LTBP1: variants seen among roughly 807,000 people sequenced by gnomAD.
LTBP1 encodes latent transforming growth factor beta binding protein 1, also known as latent-transforming growth factor beta-binding protein 1.
Under a neutral mutation model 207.6 loss-of-function variants are expected in LTBP1, and 129 were observed. The observed-to-expected ratio is 0.62, with a 90% CI of 0.54 to 0.72. The LOEUF (loss-of-function observed/expected upper bound fraction) is 0.72. Among genes scored for constraint, LTBP1 ranks in the 30% least tolerant of loss-of-function variants. The pLI is 0.00. For missense variants in LTBP1, 2,281 were observed against 2,217.2 expected, an observed-to-expected ratio of 1.03 and a Z score of -0.58; for synonymous variants, 963 against 833.7, an observed-to-expected ratio of 1.16 and a Z score of -2.67.
chr2:33,238,180 T>C (rs545575016), intron 9 of LTBP1, among the ~76,000 whole-genome samples: 2 of 152,210 alleles, frequency 1.3e-5, no homozygotes, highest in Non-Finnish European at 2.9e-5. Context: ...GGAATTTATA[T>C]TTACTAGCAA....
intron 24 of LTBP1, among the ~76,000 whole-genome samples, chr2:33,326,054 T>C (rs893070943): frequency 2.9e-4 from 44 of 150,350 alleles, no homozygotes; most frequent in African/African-American, 9.7e-4. Flanking sequence ...AGATGACTTA[T>C]AGTGTTTATA....
intron 7 of LTBP1, among the ~76,000 whole-genome samples, chr2:33,195,068 C>A (rs533207668): frequency 6.6e-6 from 1 of 152,156 alleles, no homozygotes; most frequent in Non-Finnish European, 1.5e-5. Context: ...ATAAAAGATT[C>A]CTTTCAAAAT....
chr2:33,131,914 G>A (rs556521085), intron 4 of LTBP1, among the ~76,000 whole-genome samples: 2 of 152,168 alleles, frequency 1.3e-5, no homozygotes, highest in Non-Finnish European at 2.9e-5. Context: ...TGCTTATAAA[G>A]TGACTACTGT....
At chr2:33,156,980 C>T (rs962321581) in intron 5 of LTBP1, among the ~76,000 whole-genome samples, 1 of 152,120 alleles carries the variant, frequency 6.6e-6, no homozygotes, top group African/African-American at 2.4e-5. Flanking sequence ...AAGAAATTTA[C>T]AAACTTGACA....
chr2:32,961,538 C>G (rs2148432970), intron 2 of LTBP1, among the ~76,000 whole-genome samples: 1 of 146,294 alleles, frequency 6.8e-6, no homozygotes, highest in East Asian at 2.0e-4. Flanking sequence ...GTATGCTCTT[C>G]TGAGGTTTTG....
intron 2 of LTBP1, among the ~76,000 whole-genome samples, chr2:32,953,927 C>G (rs762382085): frequency 5.3e-5 from 8 of 152,304 alleles, no homozygotes; most frequent in Non-Finnish European, 1.2e-4. Context: ...ATGTCACCAC[C>G]CTTTTAATAC....
intron 3 of LTBP1, among the ~76,000 whole-genome samples, chr2:33,066,580 A>C (rs913452348): frequency 6.6e-6 from 1 of 152,226 alleles, no homozygotes; most frequent in Non-Finnish European, 1.5e-5. Flanking sequence ...ATGGCAAAGC[A>C]TTGTGTTTAT....
chr2:33,155,828 G>A (rs7571401), intron 5 of LTBP1, among the ~76,000 whole-genome samples: 1 of 151,998 alleles, frequency 6.6e-6, no homozygotes, highest in East Asian at 1.9e-4. Flanking sequence ...CTGCTTCTCA[G>A]TTCATACAAT....
intron 26 of LTBP1, among the ~76,000 whole-genome samples, chr2:33,350,504 A>G (rs1267965662): frequency 6.6e-6 from 1 of 152,246 alleles, no homozygotes; most frequent in African/African-American, 2.4e-5. Context: ...ACCCACTTCC[A>G]GCAGGGTATT....
At chr2:33,217,451 A>C in intron 7 of LTBP1, 101 bp from the exon 8 acceptor site, 2 of 662,456 alleles carry the variant, frequency 3.0e-6, no homozygotes, top group Non-Finnish European at 5.4e-6. Flanking sequence ...TGTCGATAAC[A>C]AGGGAACTGG....
chr2:33,097,551 A>T (rs762115438), intron 3 of LTBP1, among the ~76,000 whole-genome samples: 22 of 152,316 alleles, frequency 1.4e-4, no homozygotes, highest in African/African-American at 1.9e-4. Flanking sequence ...AAAATCATAG[A>T]CATTGTTAAA....
chr2:33,035,793 G>A (rs1048257473), intron 3 of LTBP1, among the ~76,000 whole-genome samples: 1 of 152,036 alleles, frequency 6.6e-6, no homozygotes, highest in Admixed American at 6.6e-5. Flanking sequence ...AAAAGAGATC[G>A]TTCATAATGA....
At chr2:33,257,548 A>C in intron 12 of LTBP1, 37 bp downstream of exon 12, 1 of 1,531,876 alleles carries the variant, frequency 6.5e-7, no homozygotes, top group Non-Finnish European at 9.0e-7. Context: ...CTAGACATCT[A>C]TCTGTGTGTC....
chr2:33,334,524 GACT>G (rs1207074161), intron 24 of LTBP1, among the ~76,000 whole-genome samples: 1 of 152,166 alleles, frequency 6.6e-6, no homozygotes, highest in Non-Finnish European at 1.5e-5. Flanking sequence ...GGAAAGGAGA[GACT>G]GGAGATACAA....
chr2:33,310,624 C>G (rs1348549566), intron 23 of LTBP1, among the ~76,000 whole-genome samples: 1 of 152,170 alleles, frequency 6.6e-6, no homozygotes, highest in Non-Finnish European at 1.5e-5. Flanking sequence ...TTTCCCACTA[C>G]TCTTCCCTAC....
chr2:33,200,879 CTCA>C (rs1376825150), intron 7 of LTBP1, among the ~76,000 whole-genome samples: 2 of 152,198 alleles, frequency 1.3e-5, no homozygotes, highest in Non-Finnish European at 2.9e-5. Flanking sequence ...TGAAAAAATG[CTCA>C]TCATCACTGG....
At chr2:33,242,062 T>C (rs2092344942) in intron 9 of LTBP1, among the ~76,000 whole-genome samples, 1 of 152,246 alleles carries the variant, frequency 6.6e-6, no homozygotes, top group African/African-American at 2.4e-5. Context: ...ATCATTTGAA[T>C]GTCACGGAAG....
At chr2:33,380,162 A>C (rs2095195468) in intron 31 of LTBP1, among the ~76,000 whole-genome samples, 1 of 152,208 alleles carries the variant, frequency 6.6e-6, no homozygotes. Context: ...ATTCTGAAAA[A>C]TATCTAGATG....
At chr2:33,155,012 G>A (rs1180736185) in intron 5 of LTBP1, among the ~76,000 whole-genome samples, 2 of 152,110 alleles carry the variant, frequency 1.3e-5, no homozygotes, top group African/African-American at 2.4e-5. Flanking sequence ...GCAGTGAGCC[G>A]AGATCATGCC....
Sources: gnomAD v4.1 joint callset for allele counts (sites outside exome capture counted in the v4.1 genomes callset) on GRCh38, gnomAD v4.1.1 for gene constraint, MANE v1.5 for transcripts, NCBI Gene and HGNC (gene_info 2026-07-23, HGNC 2026-07-21) for gene names.